The following CLSTN3 variants were observed in gnomAD, a reference collection of about 807,000 sequenced individuals.
The protein encoded by CLSTN3 is calsyntenin 3, also known as calsyntenin-3.
Under a neutral mutation model 95.9 loss-of-function variants are expected in CLSTN3, and 36 were observed. That is an observed-to-expected ratio of 0.38 (90% confidence interval 0.29 to 0.50). The LOEUF (loss-of-function observed/expected upper bound fraction) is 0.50, where lower values mean the gene tolerates loss of function less well. CLSTN3 is among the 20% of genes least tolerant of loss of function. CLSTN3 has a pLI of 0.95. For synonymous variants in CLSTN3, 481 were observed against 504.0 expected, an observed-to-expected ratio of 0.95 and a Z score of 0.61; for missense variants, 1,084 against 1,268.8, an observed-to-expected ratio of 0.85 and a Z score of 2.21.
chr12:7,152,078 A>T (rs762336139), intron 16 of CLSTN3, among the ~76,000 whole-genome samples: 11 of 150,662 alleles, frequency 7.3e-5, no homozygotes, highest in Non-Finnish European at 1.0e-4. Flanking sequence ...AAAAAAAAAG[A>T]AAGAAGAAGA....
rs1939338203 is a variant in CLSTN3 at position 7,133,140 on chromosome 12, T to C, written c.181T>C (p.Tyr61His). The change falls in exon 2 of 18, where the codon TAT becomes CAT. Residue 61 changes from tyrosine to histidine, a missense_variant. Tyr to His is a moderately conservative substitution (Grantham distance 83, BLOSUM62 2). Transcript: ENST00000266546. This position sits in a 1 kb window ranked among gnomAD's most constrained non-coding sequence, Gnocchi z 4.7. ...FALDKDAPLR[Y>H]AGEICGFRLH... ...CTTGGACAAGGATGCCCCGCTGCGC[T>C]ATGCAGGTAATTGGGATTGGGGGAT... 1 of 1,613,772 alleles carries C rather than the reference T, an allele frequency of 6.2e-7. No individual in the cohort carries two copies. Among genetic ancestry groups the C allele is most frequent in the Non-Finnish European group, 8.5e-7 (1 of 1,179,986 alleles).
chr12:7,138,248 C>A (rs949827530), intron 8 of CLSTN3, among the ~76,000 whole-genome samples, 181 bp downstream of exon 8: 1 of 151,918 alleles, frequency 6.6e-6, no homozygotes, highest in South Asian at 2.1e-4. Context: ...CAAAGCTTGT[C>A]CCCTGCAGAA....
chr12:7,133,673 T>C lies in CLSTN3; in HGVS notation c.288T>C (p.Pro96=), dbSNP rs1939348579. ...AGGGGCTGATCCGGGCCAAGGAGCC[T>C]GTGGACTGCGAGGCCCAGAAGGAAC... The part of the protein sequence containing the change: ...TGEGLIRAKE[P]VDCEAQKEHT... Residue 96 remains proline, a synonymous_variant, in exon 3 of 18, where the codon CCT becomes CCC. Coordinates refer to ENST00000266546, the MANE Select transcript of CLSTN3 (RefSeq NM_014718.4). This position sits in a 1 kb window ranked among gnomAD's most constrained non-coding sequence, Gnocchi z 4.7. The C allele has an allele frequency of 6.2e-7, 1 of 1,614,072 alleles. No individual in the cohort carries two copies. The highest frequency in any genetic ancestry group is 8.5e-7 in the Non-Finnish European group (1 of 1,179,978).
At chr12:7,143,121 C>T (rs1420811609) in intron 11 of CLSTN3, 42 bp from the exon 12 acceptor site, 3 of 1,603,334 alleles carry the variant, frequency 1.9e-6, no homozygotes, top group Non-Finnish European at 2.6e-6. Flanking sequence ...CCTCTGCCAC[C>T]TCCTGGCCCT....
chr12:7,139,621 A>G (rs1939491706), intron 8 of CLSTN3, among the ~76,000 whole-genome samples: 1 of 151,006 alleles, frequency 6.6e-6, no homozygotes, highest in Non-Finnish European at 1.5e-5. Flanking sequence ...TGACCTGATC[A>G]GATTTACATC....
rs139049762 is a variant in CLSTN3 at position 7,158,064 on chromosome 12, C to T, written c.2854C>T (p.Pro952Ser). ...CGACGAGAGACGCATCATCGAGACCCCCCCACACCGCTACTAAGGCCTACA... is the reference window on the plus strand; with the variant it reads ...CGACGAGAGACGCATCATCGAGACCTCCCCACACCGCTACTAAGGCCTACA... ...SSDERRIIET[P>S]PHRY is the part of the protein sequence containing the mutation. Residue 952 changes from proline (P) to serine (S), a missense_variant, in exon 18 of 18, where the codon CCC (proline) becomes TCC (serine). Transcript: ENST00000266546. The T allele has an allele frequency of 9.4e-5, 145 of 1,537,460 alleles. No homozygotes were observed. The highest frequency in any genetic ancestry group is 5.7e-4 in the Admixed American group (29 of 50,462).
Position 7,150,689 on chromosome 12 carries a change from G to A in CLSTN3, c.2391G>A (p.Glu797=). The change falls in exon 15 of 18, where the codon GAG becomes GAA. Residue 797 remains glutamate, a splice_region_variant and synonymous_variant. Coordinates refer to ENST00000266546, the MANE Select transcript of CLSTN3 (RefSeq NM_014718.4). The surrounding 1 kb of genome is among the most constrained non-coding windows in gnomAD (Gnocchi z 4.0). The part of the protein sequence containing the change: ...GRYSSNEFIV[E]VNVLHSMNRV... ...ACTCCAGCAATGAATTCATCGTGGA[G>A]GTACCCAGAGAGTCTCCTTCCTTCC... is the stretch of plus-strand genomic sequence containing the variant. The A allele has an allele frequency of 1.9e-6, 3 of 1,613,152 alleles. No homozygotes were observed. Among genetic ancestry groups the A allele is most frequent in the Non-Finnish European group, 2.5e-6 (3 of 1,179,142 alleles).
intron 4 of CLSTN3, 112 bp from the exon 5 acceptor site, chr12:7,135,692 C>G: frequency 7.0e-7 from 1 of 1,423,230 alleles, no homozygotes; most frequent in Non-Finnish European, 9.6e-7. Flanking sequence ...CCTTTTTTCC[C>G]AGCGTCCTGC....
At chr12:7,130,303 T>TGC, upstream of CLSTN3, 7 of 778,314 alleles carry the variant, frequency 9.0e-6, no homozygotes, top group Non-Finnish European at 9.8e-6. Flanking sequence ...CAGCACCTGG[T>TGC]CCCCCCCCCT....
intron 5 of CLSTN3, 28 bp from the exon 6 acceptor site, chr12:7,136,178 C>T (rs1165051217): frequency 6.2e-7 from 1 of 1,605,692 alleles, no homozygotes. Context: ...TCTCTCTCCC[C>T]ATCACCCTCT....
At chr12:7,130,251 C>T (rs1939256939), upstream of CLSTN3, 2 of 524,530 alleles carry the variant, frequency 3.8e-6, no homozygotes, top group Admixed American at 4.2e-5. Context: ...TTGAAACTCT[C>T]CAGCCCCGAC....
Position 7,157,377 on chromosome 12 carries a change from C to T in CLSTN3, c.2528-112C>T. On this transcript the variant is annotated intron_variant, in intron 16 of 17. Coordinates refer to ENST00000266546, the MANE Select transcript of CLSTN3 (RefSeq NM_014718.4). The surrounding 1 kb of genome is among the most constrained non-coding windows in gnomAD (Gnocchi z 5.9). ...CCTCTCTTCTCGGCCACCGTGTGTT[C>T]TGCCCTGGGAGTCCTTCAGCCCGGG... The T allele has an allele frequency of 1.1e-6, 1 of 896,648 alleles. No homozygotes were observed. The highest frequency in any genetic ancestry group is 1.6e-6 in the Non-Finnish European group (1 of 608,544). The allele number at this position is 896,648 out of a possible 1,614,324, so 55.5% of individuals were successfully genotyped here. A position where few individuals can be genotyped will look rare whatever the true frequency, so the allele number is the denominator to read the frequency against.
At chr12:7,132,876 C>A in intron 1 of CLSTN3, 148 bp from the exon 2 acceptor site, 2 of 1,060,478 alleles carry the variant, frequency 1.9e-6, no homozygotes, top group Non-Finnish European at 2.8e-6. Flanking sequence ...TTCTTGTCCT[C>A]AACCACCCGC....
rs1171057075 is a variant in CLSTN3 at position 7,157,762 on chromosome 12, G to T, written c.2730+71G>T. On this transcript the variant is annotated intron_variant, in intron 17 of 17. Transcript: ENST00000266546. The surrounding 1 kb of genome is among the most constrained non-coding windows in gnomAD (Gnocchi z 5.9). Reference sequence around the variant, plus strand: ...AGCACACACGGTGAGGACTCCTGAGGAGGGGCAGGCCTGGGTGGAGGCTGT... The same window carrying T: ...AGCACACACGGTGAGGACTCCTGAGTAGGGGCAGGCCTGGGTGGAGGCTGT... The T allele has an allele frequency of 6.6e-7, 1 of 1,519,412 alleles. No homozygotes were observed. The highest frequency in any genetic ancestry group is 1.9e-4 in the Middle Eastern group (1 of 5,366). The allele number at this position is 1,519,412 out of a possible 1,614,324, so 94.1% of individuals were successfully genotyped here.
In CLSTN3 at chr12:7,150,790, C is replaced by CCCTCCACGCTGCCAT; in HGVS notation, c.2391+101_2391+102insCCTCCACGCTGCCAT. ...TAGTTGGTGGGCATGGACATGGCAG[C>CCCTCCACGCTGCCAT]GTGGAGGGCTGCTGGACCTTGCAGT... On this transcript the variant is annotated intron_variant, in intron 15 of 17. Transcript: ENST00000266546. This position sits in a 1 kb window ranked among gnomAD's most constrained non-coding sequence, Gnocchi z 4.0. The CCCTCCACGCTGCCAT allele has an allele frequency of 6.4e-7, 1 of 1,561,808 alleles. No homozygotes were observed. Among genetic ancestry groups the CCCTCCACGCTGCCAT allele is most frequent in the Non-Finnish European group, 8.7e-7 (1 of 1,145,366 alleles).
chr12:7,151,662 G>A (rs1939726042), intron 16 of CLSTN3, among the ~76,000 whole-genome samples: 1 of 152,128 alleles, frequency 6.6e-6, no homozygotes, highest in African/African-American at 2.4e-5. Context: ...GGTCCCAAAG[G>A]TTCCCGGTCA....
At position 7,132,707 on chromosome 12, in the gene CLSTN3, G is replaced by A. The variant is rs1565647940; in HGVS notation, c.65-317G>A. 8.6e-6 allele frequency: 5 copies of A among 578,486 alleles called. No individual in the cohort carries two copies. The Admixed American group carries it at 9.1e-5, about 11-fold the overall frequency. 35.8% of individuals were successfully genotyped at this position (578,486 alleles called of 1,614,324 possible). On this transcript the variant is annotated intron_variant, in intron 1 of 17. Coordinates refer to ENST00000266546, the MANE Select transcript of CLSTN3 (RefSeq NM_014718.4). ...TCTCCATTCTCTAGCACGTGAAATC[G>A]CTAAAGAACATTCTCCACTTCCTGA...
intron 12 of CLSTN3, among the ~76,000 whole-genome samples, chr12:7,143,840 G>A (rs749533452): frequency 3.9e-5 from 6 of 152,302 alleles, no homozygotes; most frequent in African/African-American, 1.4e-4. Flanking sequence ...CCCATTCATT[G>A]CATATGTCTA....
chr12:7,146,334 A>C (rs1202287320), intron 12 of CLSTN3, among the ~76,000 whole-genome samples: 1 of 152,136 alleles, frequency 6.6e-6, no homozygotes, highest in African/African-American at 2.4e-5. Flanking sequence ...CAGGAGTTCG[A>C]GGCTGCAGTG....
Sources: gnomAD v4.1 joint callset for allele counts (sites outside exome capture counted in the v4.1 genomes callset) on GRCh38, gnomAD v4.1.1 for gene constraint, Gnocchi (gnomAD v3.1) non-coding constraint, MANE v1.5 for transcripts, NCBI Gene and HGNC (gene_info 2026-07-23, HGNC 2026-07-21) for gene names.